The following NRXN3 variants were observed in gnomAD, a reference collection of about 807,000 sequenced individuals.
The protein encoded by NRXN3 is neurexin III.
NRXN3 carries 32 observed loss-of-function variants against 137.6 expected under a neutral mutation model. The ratio of observed to expected loss-of-function variants is 0.23; its 90% CI spans 0.18 to 0.31. The LOEUF (loss-of-function observed/expected upper bound fraction) is 0.31, where lower values mean the gene tolerates loss of function less well. NRXN3 is among the 10% of genes least tolerant of loss of function. NRXN3 has a pLI of 1.00. For missense variants in NRXN3, 1,574 were observed against 2,062.5 expected (o/e 0.76, Z 4.59); for synonymous variants, 798 against 784.5 (o/e 1.02, Z -0.29).
intron 17 of NRXN3, among the ~76,000 whole-genome samples, chr14:79,670,051 G>C (rs771705885): frequency 6.6e-6 from 1 of 151,968 alleles, no homozygotes; most frequent in Non-Finnish European, 1.5e-5. Context: ...CGGAGATTCT[G>C]AAATTTTTGT....
intron 1 of NRXN3, among the ~76,000 whole-genome samples, chr14:78,178,813 A>G (rs960761148): frequency 6.6e-6 from 1 of 152,198 alleles, no homozygotes; most frequent in Admixed American, 6.5e-5. Context: ...GTCTGAATCC[A>G]GGGACTCTGC....
intron 19 of NRXN3, among the ~76,000 whole-genome samples, chr14:79,719,350 T>C (rs919645126): frequency 1.8e-5 from 1 of 55,336 alleles, no homozygotes; most frequent in African/African-American, 4.6e-5. Flanking sequence ...TATATACACA[T>C]ATATGTGTAT....
Position 78,645,114 on chromosome 14 carries a change from C to G in NRXN3, c.758-6C>G, listed in dbSNP as rs1350484427. 3.2e-6 allele frequency: 5 copies of G among 1,538,532 alleles called. No individual in the cohort carries two copies. In the African/African-American group the frequency reaches 5.4e-5, roughly 17 times the overall value. ...CTGATTGCTTTCCTCTTTTCTTTTC[C>G]TATAGCTCGAGAGGAGAATGTGGCC... is the stretch of plus-strand genomic sequence containing the variant. On this transcript the variant is annotated splice_region_variant and splice_polypyrimidine_tract_variant and intron_variant, in intron 4 of 20. Coordinates refer to ENST00000335750, the MANE Select transcript of NRXN3 (RefSeq NM_001330195.2).
intron 19 of NRXN3, among the ~76,000 whole-genome samples, chr14:79,721,430 G>A (rs778447261): frequency 3.3e-5 from 5 of 152,054 alleles, no homozygotes; most frequent in African/African-American, 7.2e-5. Context: ...ATTACAAAGG[G>A]GCTTGAAAAT....
intron 15 of NRXN3, among the ~76,000 whole-genome samples, chr14:79,335,168 T>C (rs1253515793): frequency 6.6e-6 from 1 of 152,138 alleles, no homozygotes; most frequent in Non-Finnish European, 1.5e-5. Flanking sequence ...AAAATGTTGA[T>C]TGCAGGCAGC....
rs570517300 is a variant in NRXN3 at position 78,902,847 on chromosome 14, A to G, written c.2276-54395A>G. Among the ~76,000 whole-genome samples the G allele has an allele frequency of 7.9e-5, 12 of 151,276 alleles. 1 individual carries two copies. In the South Asian group the frequency reaches 1.7e-3, roughly 21 times the overall value. On this transcript the variant is annotated intron_variant, in intron 10 of 20. Coordinates refer to ENST00000335750, the MANE Select transcript of NRXN3 (RefSeq NM_001330195.2). ...TCAGGAAATACATATATTAAATATT[A>G]TATATATATGTATAATATGTAACTA... is the stretch of plus-strand genomic sequence containing the variant.
intron 1 of NRXN3, chr14:78,231,741 C>G (rs990733940): frequency 6.6e-6 from 1 of 152,268 alleles, no homozygotes; most frequent in African/African-American, 2.4e-5. Flanking sequence ...GTTCCTACAT[C>G]ATAGAGGTTT....
chr14:78,528,907 T>C (rs563738131), intron 4 of NRXN3, among the ~76,000 whole-genome samples: 27 of 152,334 alleles, frequency 1.8e-4, no homozygotes, highest in Non-Finnish European at 3.5e-4. Context: ...CTGATGCAAG[T>C]GAGGCACTTC....
intron 1 of NRXN3, 71 bp from the exon 2 acceptor site, chr14:78,242,320 A>G (rs534827041): frequency 2.0e-5 from 3 of 152,300 alleles, no homozygotes; most frequent in African/African-American, 7.2e-5. Flanking sequence ...ATACTTGTGA[A>G]ATAGGATGCA....
intron 4 of NRXN3, among the ~76,000 whole-genome samples, chr14:78,499,997 C>T (rs1254152108): frequency 6.6e-6 from 1 of 152,136 alleles, no homozygotes; most frequent in East Asian, 1.9e-4. Context: ...AAGTTCAACG[C>T]AAACTCTAAA....
At chr14:79,524,528 A>G (rs997145952) in intron 16 of NRXN3, among the ~76,000 whole-genome samples, 4 of 152,278 alleles carry the variant, frequency 2.6e-5, no homozygotes, top group African/African-American at 9.6e-5. Context: ...GATCATATTC[A>G]TAATTATAAC....
At chr14:78,577,716 C>CG (rs2096951375) in intron 4 of NRXN3, among the ~76,000 whole-genome samples, 1 of 152,140 alleles carries the variant, frequency 6.6e-6, no homozygotes, top group Admixed American at 6.5e-5. Flanking sequence ...CCACCCGCCT[C>CG]GGCCTCCCAT....
Position 78,241,294 on chromosome 14 carries a change from A to G in NRXN3, c.-703-1097A>G, listed in dbSNP as rs557203111. On this transcript the variant is annotated intron_variant, in intron 1 of 20. Coordinates refer to ENST00000335750, the MANE Select transcript of NRXN3 (RefSeq NM_001330195.2). Reference sequence around the variant, plus strand: ...CCTCCTGTCCCTTCCCACTTCAGAGATAAAGGAAGAGACCTAGGATTTGTT... The same window carrying G: ...CCTCCTGTCCCTTCCCACTTCAGAGGTAAAGGAAGAGACCTAGGATTTGTT... Among the ~76,000 whole-genome samples the G allele has an allele frequency of 3.3e-5, 5 of 152,296 alleles. No homozygotes were observed. In the East Asian group the frequency reaches 5.8e-4, roughly 18 times the overall value.
intron 15 of NRXN3, among the ~76,000 whole-genome samples, chr14:79,401,820 G>T (rs533904677): frequency 6.7e-6 from 1 of 149,640 alleles, no homozygotes; most frequent in Admixed American, 6.7e-5. Context: ...GAATAAGTAC[G>T]TGTAAACTGA....
intron 15 of NRXN3, among the ~76,000 whole-genome samples, chr14:79,338,440 A>G (rs74069732): frequency 0.013 from 1,989 of 152,210 alleles, 50 homozygotes; most frequent in African/African-American, 0.045. Flanking sequence ...CGTTCCCTCC[A>G]GTGTACTTAG....
Position 78,454,905 on chromosome 14 carries a change from A to G in NRXN3, c.757+157045A>G, listed in dbSNP as rs548992892. Among the ~76,000 whole-genome samples the G allele has an allele frequency of 1.9e-3, 283 of 152,258 alleles. 2 individuals carry two copies. The highest frequency in any genetic ancestry group is 2.9e-3 in the Non-Finnish European group (197 of 68,024). On this transcript the variant is annotated intron_variant, in intron 4 of 20. Coordinates refer to ENST00000335750, the MANE Select transcript of NRXN3 (RefSeq NM_001330195.2). ...GCGGAGCAAGGACTGGGTCATGAAGAGCCTTGCAAGCCACGAGGAGTTTGG... is the reference window on the plus strand; with the variant it reads ...GCGGAGCAAGGACTGGGTCATGAAGGGCCTTGCAAGCCACGAGGAGTTTGG...
chr14:78,372,720 T>C (rs1217510373), intron 4 of NRXN3, among the ~76,000 whole-genome samples: 1 of 152,228 alleles, frequency 6.6e-6, no homozygotes, highest in African/African-American at 2.4e-5. Context: ...TTAGAATGAT[T>C]TGAGGTCATC....
chr14:78,715,133 G>C lies in NRXN3; in HGVS notation c.2038G>C (p.Glu680Gln). ...TGTGYWGRTC[E>Q]REASILSYDG... Reference sequence around the variant, plus strand: ...CACCGGATACTGGGGAAGAACCTGCGAAAGGGGTGAGTCGGCCTAGAGGAT... The same window carrying C: ...CACCGGATACTGGGGAAGAACCTGCCAAAGGGGTGAGTCGGCCTAGAGGAT... The change falls in exon 8 of 21, where the codon GAA becomes CAA. Residue 680 changes from glutamate to glutamine, a missense_variant. Coordinates refer to ENST00000335750, the MANE Select transcript of NRXN3 (RefSeq NM_001330195.2). 6.2e-7 allele frequency: 1 copy of C among 1,606,396 alleles called. No homozygotes were observed. The highest frequency in any genetic ancestry group is 8.5e-7 in the Non-Finnish European group (1 of 1,177,270).
chr14:78,628,347 T>C (rs1187562113), intron 4 of NRXN3, among the ~76,000 whole-genome samples: 1 of 152,194 alleles, frequency 6.6e-6, no homozygotes, highest in Non-Finnish European at 1.5e-5. Flanking sequence ...CATAAGCCAA[T>C]ATGGCTCAGC....
Sources: gnomAD v4.1 joint callset for allele counts (sites outside exome capture counted in the v4.1 genomes callset) on GRCh38, gnomAD v4.1.1 for gene constraint, MANE v1.5 for transcripts, NCBI Gene and HGNC (gene_info 2026-07-23, HGNC 2026-07-21) for gene names.